Variants in TMEM132C observed in about 807,000 individuals in gnomAD.
TMEM132C encodes the protein transmembrane protein 132C, also known as protein phosphatase 1, regulatory subunit 152.
Under a neutral mutation model 61.4 loss-of-function variants are expected in TMEM132C, and 29 were observed. That is an observed-to-expected ratio of 0.47 (90% CI 0.35 to 0.64). The LOEUF is 0.64. Ranked by LOEUF, TMEM132C falls within the 30% of genes least tolerant of loss-of-function variation. The pLI, the probability that TMEM132C is intolerant of heterozygous loss-of-function variation, is 0.00. For missense variants in TMEM132C, 1,408 were observed against 1,476.9 expected (o/e 0.95, Z 0.76); for synonymous variants, 656 against 633.1 (o/e 1.04, Z -0.54).
At chr12:128,487,401 A>G (rs1272383994) in intron 2 of TMEM132C, among the ~76,000 whole-genome samples, 1 of 151,976 alleles carries the variant, frequency 6.6e-6, no homozygotes, top group African/African-American at 2.4e-5. Context: ...TTTTACACCA[A>G]CTGCCCCAAA....
chr12:128,540,709 AGGACTCCTGT>A (rs923603819), intron 2 of TMEM132C, among the ~76,000 whole-genome samples: 8 of 152,160 alleles, frequency 5.3e-5, no homozygotes, highest in African/African-American at 1.9e-4. Context: ...ACCAATACAG[AGGACTCCTGT>A]GGCCAAGCAT....
rs182769656 is a variant in TMEM132C, at chr12:128,614,599, G to A, written c.1122-1553G>A. Among the ~76,000 whole-genome samples, 217 of 152,346 alleles carry A rather than the reference G, an allele frequency of 1.4e-3. 2 individuals carry two copies. The Middle Eastern group carries it at 0.017, about 12-fold the overall frequency. ...TAACTCTGCCCTAGCCAGATATGTG[G>A]TTGTGGGCAAGCCATCTTTCCTTTA... On this transcript the variant is annotated intron_variant, in intron 3 of 8. Coordinates refer to ENST00000435159, the MANE Select transcript of TMEM132C (RefSeq NM_001136103.3).
At chr12:128,446,256 G>A (rs190498780) in intron 2 of TMEM132C, among the ~76,000 whole-genome samples, 316 of 152,276 alleles carry the variant, frequency 2.1e-3, no homozygotes, top group South Asian at 3.5e-3. Flanking sequence ...TTCTGAGGTC[G>A]TCATTATATG....
At chr12:128,364,905 G>T (rs1207051787) in intron 1 of TMEM132C, among the ~76,000 whole-genome samples, 1 of 152,222 alleles carries the variant, frequency 6.6e-6, no homozygotes, top group African/African-American at 2.4e-5. Flanking sequence ...CTCCCATCTG[G>T]AGAGTCCCTC....
chr12:128,284,323 T>C (rs530532667), intron 1 of TMEM132C, among the ~76,000 whole-genome samples: 2 of 152,356 alleles, frequency 1.3e-5, no homozygotes, highest in East Asian at 1.9e-4. Context: ...GTGACAGATA[T>C]ACATATGTGT....
At position 128,282,296 on chromosome 12, in the gene TMEM132C, A is replaced by G. The variant is rs376368671; in HGVS notation, c.85+14809A>G. 6.6e-5 allele frequency among the ~76,000 whole-genome samples: 10 copies of G among 152,348 alleles called. No homozygotes were observed. The East Asian group carries it at 1.2e-3, about 18-fold the overall frequency. On this transcript the variant is annotated intron_variant, in intron 1 of 8. Transcript: ENST00000435159. ...TGTATTATTCCGTTTTCACATTGCT[A>G]TAAAGAATTCCCCTGAGACGGGGTA... is the stretch of plus-strand genomic sequence containing the variant.
At chr12:128,477,679 A>C (rs2136087873) in intron 2 of TMEM132C, among the ~76,000 whole-genome samples, 2 of 152,262 alleles carry the variant, frequency 1.3e-5, no homozygotes, top group South Asian at 4.1e-4. Context: ...TCTCAGGTTC[A>C]AGCAATTCTC....
At chr12:128,429,496 C>G (rs894966284) in intron 2 of TMEM132C, among the ~76,000 whole-genome samples, 4 of 152,152 alleles carry the variant, frequency 2.6e-5, no homozygotes, top group African/African-American at 9.7e-5. Context: ...GCTAAGAGCT[C>G]TCTGCTGGGA....
At chr12:128,333,832 GGTGT>G (rs1173254620) in intron 1 of TMEM132C, among the ~76,000 whole-genome samples, 1 of 150,904 alleles carries the variant, frequency 6.6e-6, no homozygotes, top group Admixed American at 6.6e-5. Flanking sequence ...GAGAGTTTGT[GGTGT>G]GTGTATGTGT....
At chr12:128,487,851 C>T (rs904902153) in intron 2 of TMEM132C, among the ~76,000 whole-genome samples, 4 of 152,064 alleles carry the variant, frequency 2.6e-5, no homozygotes, top group Non-Finnish European at 5.9e-5. Flanking sequence ...ATACAGTCTG[C>T]CACTGGCCTC....
intron 1 of TMEM132C, among the ~76,000 whole-genome samples, chr12:128,341,119 T>A (rs1291296332): frequency 6.6e-6 from 1 of 152,024 alleles, no homozygotes; most frequent in East Asian, 1.9e-4. Flanking sequence ...TTTTGTATTT[T>A]TGGTAGAGAC....
At chr12:128,703,617 G>A (rs537596440) in intron 8 of TMEM132C, among the ~76,000 whole-genome samples, 1 of 152,324 alleles carries the variant, frequency 6.6e-6, no homozygotes, top group Admixed American at 6.5e-5. Context: ...ACAAAGTGGA[G>A]AGCCTGTATC....
intron 8 of TMEM132C, among the ~76,000 whole-genome samples, chr12:128,698,283 G>A (rs1954779804): frequency 6.6e-6 from 1 of 152,226 alleles, no homozygotes; most frequent in Non-Finnish European, 1.5e-5. Flanking sequence ...ATTAGAAAGA[G>A]AGCAGGGAGA....
In TMEM132C at chr12:128,338,154, C is replaced by T. The variant is rs190621413; in HGVS notation, c.85+70667C>T. The stretch of plus-strand genomic sequence containing the variant: ...ACCTCTCAAAGCAATATTCAGATTC[C>T]TATAAGGACCAGACGTAAAGTTGTC... On this transcript the variant is annotated intron_variant, in intron 1 of 8. Transcript: ENST00000435159. Among the ~76,000 whole-genome samples the T allele has an allele frequency of 2.3e-3, 356 of 151,934 alleles. 3 individuals carry two copies. Among genetic ancestry groups the T allele is most frequent in the Middle Eastern group, 0.01 (3 of 294 alleles).
intron 1 of TMEM132C, among the ~76,000 whole-genome samples, chr12:128,368,263 G>A (rs1257176595): frequency 6.6e-6 from 1 of 152,236 alleles, no homozygotes; most frequent in South Asian, 2.1e-4. Context: ...CTGCTTTACA[G>A]CCGGAAGCAA....
chr12:128,533,948 T>TACACACACACAC (rs55794743), intron 2 of TMEM132C, among the ~76,000 whole-genome samples: 27 of 145,676 alleles, frequency 1.9e-4, no homozygotes, highest in African/African-American at 3.3e-4. Context: ...CATGCGCACA[T>TACACACACACAC]ACACACACAC....
intron 4 of TMEM132C, among the ~76,000 whole-genome samples, chr12:128,652,498 G>A (rs569580699): frequency 2.6e-5 from 4 of 152,360 alleles, no homozygotes; most frequent in East Asian, 1.9e-4. Flanking sequence ...TATAATTAAT[G>A]AGACACCATC....
intron 1 of TMEM132C, among the ~76,000 whole-genome samples, chr12:128,390,286 G>A (rs776829221): frequency 3.9e-5 from 6 of 152,182 alleles, no homozygotes; most frequent in Non-Finnish European, 7.3e-5. Flanking sequence ...GGGCCTCAGC[G>A]GGCAGAAAGC....
intron 2 of TMEM132C, among the ~76,000 whole-genome samples, chr12:128,427,176 G>C (rs1183180346): frequency 1.3e-5 from 2 of 151,954 alleles, no homozygotes; most frequent in Non-Finnish European, 2.9e-5. Flanking sequence ...TTTATGTCTT[G>C]AAACTCCAAA....
Sources: allele counts gnomAD v4.1 joint callset (sites outside exome capture counted in the v4.1 genomes callset), GRCh38; gene constraint gnomAD v4.1.1; transcripts MANE v1.5; gene names NCBI Gene and HGNC (gene_info 2026-07-23, HGNC 2026-07-21).